Variants in AFF3 observed in about 807,000 individuals in gnomAD.
AFF3 encodes the protein ALF transcription elongation factor 3.
In AFF3, 32 loss-of-function variants were observed where a neutral mutation model predicts 129.7. The observed-to-expected ratio is 0.25, with a 90% confidence interval of 0.19 to 0.33. AFF3 has a LOEUF of 0.33. Among genes scored for constraint, AFF3 ranks in the 10% least tolerant of loss-of-function variants. The pLI is 1.00. For synonymous variants in AFF3, 644 were observed against 635.4 expected (o/e 1.01, Z -0.20); for missense variants, 1,373 against 1,592.0 (o/e 0.86, Z 2.34).
chr2:100,133,435 CT>C (rs926698821), intron 1 of AFF3, among the ~76,000 whole-genome samples: 18 of 149,578 alleles, frequency 1.2e-4, no homozygotes, highest in South Asian at 2.1e-4. Flanking sequence ...ACACATACTA[CT>C]TTTTTTTTTC....
chr2:99,839,674 C>T (rs12712061), intron 7 of AFF3, among the ~76,000 whole-genome samples: 92,936 of 150,672 alleles, frequency 0.62, 29,708 homozygotes, highest in South Asian at 0.75. Context: ...TGCAGTGGCG[C>T]GATATTGGCT....
At chr2:99,853,238 T>A (rs1481184144) in intron 7 of AFF3, among the ~76,000 whole-genome samples, 3 of 152,172 alleles carry the variant, frequency 2.0e-5, no homozygotes, top group African/African-American at 7.2e-5. Flanking sequence ...AAAAAAATAA[T>A]CGCCCTGCTT....
At chr2:99,865,597 G>C (rs1346497088) in intron 7 of AFF3, among the ~76,000 whole-genome samples, 1 of 152,148 alleles carries the variant, frequency 6.6e-6, no homozygotes, top group Non-Finnish European at 1.5e-5. Flanking sequence ...TATATGAGTG[G>C]CAGCTTAGCA....
At chr2:99,875,474 C>G (rs991397394) in intron 7 of AFF3, among the ~76,000 whole-genome samples, 1 of 152,200 alleles carries the variant, frequency 6.6e-6, no homozygotes, top group Non-Finnish European at 1.5e-5. Flanking sequence ...CTATCTTCCT[C>G]CAACGGATTA....
At chr2:99,926,993 C>T (rs1696294703) in intron 7 of AFF3, among the ~76,000 whole-genome samples, 1 of 152,154 alleles carries the variant, frequency 6.6e-6, no homozygotes, top group South Asian at 2.1e-4. Flanking sequence ...CCAACTGAGA[C>T]CAGCAATCTC....
intron 1 of AFF3, among the ~76,000 whole-genome samples, chr2:100,136,773 C>G (rs929520956): frequency 6.6e-6 from 1 of 152,046 alleles, no homozygotes. Flanking sequence ...CTCTCCCTCC[C>G]CAAATGCATT....
At chr2:99,635,038 C>A (rs1235426552) in intron 13 of AFF3, among the ~76,000 whole-genome samples, 2 of 150,326 alleles carry the variant, frequency 1.3e-5, no homozygotes, top group African/African-American at 2.5e-5. Flanking sequence ...TGATATATAT[C>A]TCTATGTACG....
intron 11 of AFF3, among the ~76,000 whole-genome samples, chr2:99,709,531 G>T (rs1450508468): frequency 6.6e-6 from 1 of 152,088 alleles, no homozygotes; most frequent in African/African-American, 2.4e-5. Flanking sequence ...TGAGAGAAAA[G>T]ATTTTTCTCT....
At chr2:99,686,518 G>C (rs1675075676) in intron 11 of AFF3, among the ~76,000 whole-genome samples, 1 of 152,118 alleles carries the variant, frequency 6.6e-6, no homozygotes, top group African/African-American at 2.4e-5. Context: ...ATACCCTTTG[G>C]ATTAGTTGTG....
chr2:99,849,439 C>G lies in AFF3; in HGVS notation c.874-11915G>C, dbSNP rs180892211. Reference sequence around the variant, plus strand: ...GTGGCGCAGTAGGCAGGAACATGGACCTTTGCAAACCCAATTCTGCCATTA... The same window carrying G: ...GTGGCGCAGTAGGCAGGAACATGGAGCTTTGCAAACCCAATTCTGCCATTA... On this transcript the variant is annotated intron_variant, in intron 7 of 24. Coordinates refer to ENST00000672756, the MANE Select transcript of AFF3 (RefSeq NM_001386135.1). 2.0e-5 allele frequency among the ~76,000 whole-genome samples: 3 copies of G among 152,160 alleles called. No homozygotes were observed. In the East Asian group the frequency reaches 5.8e-4, roughly 29 times the overall value.
rs1455970159 is a variant in AFF3 at position 100,002,892 on chromosome 2, T to C, written c.873+3740A>G. Among the ~76,000 whole-genome samples, 8 of 152,378 alleles carry C rather than the reference T, an allele frequency of 5.3e-5. No homozygotes were observed. The East Asian group carries it at 1.5e-3, about 29-fold the overall frequency. On this transcript the variant is annotated intron_variant, in intron 7 of 24. Transcript: ENST00000672756. ...TCAATGGCTCTGCATGTTAGGTTTT[T>C]CACACCACTGTCCTATTTTGTGCCC... is the stretch of plus-strand genomic sequence containing the variant.
At chr2:99,795,581 C>T (rs1243771517) in intron 8 of AFF3, among the ~76,000 whole-genome samples, 2 of 152,052 alleles carry the variant, frequency 1.3e-5, no homozygotes, top group Non-Finnish European at 2.9e-5. Flanking sequence ...GAGCATAAAC[C>T]AGGATGATCA....
At chr2:99,947,827 G>T (rs747256295) in intron 7 of AFF3, among the ~76,000 whole-genome samples, 2 of 152,118 alleles carry the variant, frequency 1.3e-5, no homozygotes, top group Non-Finnish European at 2.9e-5. Context: ...ACCAGCTCAA[G>T]AGAGATGGAA....
At chr2:100,081,425 C>A (rs1336273530) in intron 4 of AFF3, among the ~76,000 whole-genome samples, 1 of 151,772 alleles carries the variant, frequency 6.6e-6, no homozygotes, top group East Asian at 2.0e-4. Context: ...CAGAGCTGGG[C>A]AAGCGAGAAA....
intron 13 of AFF3, among the ~76,000 whole-genome samples, chr2:99,606,715 C>T (rs1046845708): frequency 2.6e-5 from 4 of 151,638 alleles, no homozygotes; most frequent in Non-Finnish European, 5.9e-5. Flanking sequence ...CAGATCAAGA[C>T]CATCCTGGCT....
intron 8 of AFF3, 43 bp from the exon 9 acceptor site, chr2:99,752,344 G>C (rs777842859): frequency 3.3e-6 from 5 of 1,535,640 alleles, no homozygotes; most frequent in Non-Finnish European, 4.5e-6. Context: ...GATACAGACA[G>C]TATTTAAAAT....
chr2:99,570,952 C>T (rs1429549906), intron 18 of AFF3, among the ~76,000 whole-genome samples: 3 of 152,238 alleles, frequency 2.0e-5, no homozygotes, highest in African/African-American at 7.2e-5. Context: ...CCCCTCTGTC[C>T]TTCCTGAGCT....
chr2:99,545,544 AAAAAC>A lies in AFF3; in HGVS notation c.*5925_*5929del. The A allele has an allele frequency of 6.6e-6, 1 of 152,502 alleles. No homozygotes were observed. Among genetic ancestry groups the A allele is most frequent in the Non-Finnish European group, 1.5e-5 (1 of 68,166 alleles). 9.4% of individuals were successfully genotyped at this position (152,502 alleles called of 1,614,324 possible). A position where few individuals can be genotyped will look rare whatever the true frequency, so the allele number is the denominator to read the frequency against. On this transcript the variant is annotated 3_prime_UTR_variant, in exon 25 of 25. Transcript: ENST00000672756. ...CTTTCCTATTTTAAAAATGGGTAAA[AAAAAC>A]AAAACAAAACAAAACCCAAGTCCCT... is the stretch of plus-strand genomic sequence containing the variant.
chr2:99,772,892 G>T (rs1558835999), intron 8 of AFF3, among the ~76,000 whole-genome samples: 1 of 152,200 alleles, frequency 6.6e-6, no homozygotes, highest in Non-Finnish European at 1.5e-5. Context: ...GTGGCTGCTT[G>T]TTAGACTAGA....
Sources: gnomAD v4.1 joint callset for allele counts (sites outside exome capture counted in the v4.1 genomes callset) on GRCh38, gnomAD v4.1.1 for gene constraint, MANE v1.5 for transcripts, NCBI Gene and HGNC (gene_info 2026-07-23, HGNC 2026-07-21) for gene names.